FSTL4: variants seen among roughly 807,000 people sequenced by gnomAD.
FSTL4 encodes follistatin-related protein 4.
Under a neutral mutation model 78.2 loss-of-function variants are expected in FSTL4, and 28 were observed. That is an observed-to-expected ratio of 0.36 (90% CI 0.27 to 0.49). The LOEUF is 0.49. Among genes scored for constraint, FSTL4 ranks in the 20% least tolerant of loss-of-function variants. The pLI, the probability that FSTL4 is intolerant of heterozygous loss-of-function variation, is 0.98. For synonymous variants in FSTL4, 422 were observed against 440.5 expected, an observed-to-expected ratio of 0.96 and a Z score of 0.53; for missense variants, 922 against 1,084.9, an observed-to-expected ratio of 0.85 and a Z score of 2.11.
the FSTL4 span, among the ~76,000 whole-genome samples, chr5:133,646,443 T>G: frequency 3.3e-3 from 506 of 152,220 alleles, 6 homozygotes; most frequent in African/African-American, 0.012. Flanking sequence ...GATTTTATTC[T>G]GTGATGAGAA....
At chr5:133,231,795 C>T (rs1454558219) in intron 8 of FSTL4, among the ~76,000 whole-genome samples, 3 of 152,230 alleles carry the variant, frequency 2.0e-5, no homozygotes, top group African/African-American at 7.2e-5. Context: ...CAGCCTCAAC[C>T]TCCCAAAGTG....
chr5:133,552,463 G>C (rs796703724), intron 3 of FSTL4, among the ~76,000 whole-genome samples: 3 of 152,240 alleles, frequency 2.0e-5, no homozygotes, highest in African/African-American at 4.8e-5. Context: ...AGGTCATGTG[G>C]GCCCAGGGTT....
At chr5:133,778,311 T>C in the FSTL4 span, among the ~76,000 whole-genome samples, 1 of 152,042 alleles carries the variant, frequency 6.6e-6, no homozygotes, top group Non-Finnish European at 1.5e-5. Flanking sequence ...ATCATTCTTT[T>C]TGCCTCACGC....
chr5:133,331,027 C>G (rs554941455), intron 4 of FSTL4, among the ~76,000 whole-genome samples: 26 of 152,304 alleles, frequency 1.7e-4, no homozygotes, highest in African/African-American at 6.3e-4. Flanking sequence ...GCCTGGGGGC[C>G]ATGGAGGCTC....
chr5:133,688,604 A>G, the FSTL4 span, among the ~76,000 whole-genome samples: 1 of 152,260 alleles, frequency 6.6e-6, no homozygotes, highest in African/African-American at 2.4e-5. Context: ...AGTCATTCTG[A>G]GGACAGAACA....
At chr5:133,294,391 T>C (rs1344367891) in intron 6 of FSTL4, among the ~76,000 whole-genome samples, 1 of 152,188 alleles carries the variant, frequency 6.6e-6, no homozygotes, top group East Asian at 1.9e-4. Flanking sequence ...AAAATGGGCA[T>C]AAAAAGAGAC....
At chr5:133,770,597 C>A in the FSTL4 span, among the ~76,000 whole-genome samples, 1 of 151,992 alleles carries the variant, frequency 6.6e-6, no homozygotes, top group Admixed American at 6.6e-5. Flanking sequence ...TGTTTGAGTG[C>A]CTTACAGATC....
intron 4 of FSTL4, among the ~76,000 whole-genome samples, chr5:133,360,128 C>A (rs1002136777): frequency 6.6e-6 from 1 of 152,264 alleles, no homozygotes; most frequent in Non-Finnish European, 1.5e-5. Context: ...TGGGAACACA[C>A]CCTGTCCCTC....
chr5:133,610,502 G>T (rs1258588188), intron 1 of FSTL4, among the ~76,000 whole-genome samples: 1 of 152,224 alleles, frequency 6.6e-6, no homozygotes, highest in Non-Finnish European at 1.5e-5. Flanking sequence ...GGCAGAAATG[G>T]TCTAGTGATG....
At chr5:133,816,035 C>A in the FSTL4 span, among the ~76,000 whole-genome samples, 3 of 152,190 alleles carry the variant, frequency 2.0e-5, no homozygotes, top group African/African-American at 7.2e-5. Context: ...TAGAGTTAAG[C>A]GGGCTCTGGA....
At chr5:133,475,474 T>C (rs924744067) in intron 3 of FSTL4, among the ~76,000 whole-genome samples, 1 of 152,240 alleles carries the variant, frequency 6.6e-6, no homozygotes, top group East Asian at 1.9e-4. Context: ...AAAGCTATTT[T>C]ATCTCTGGAG....
chr5:133,235,504 A>G (rs1331683142), intron 7 of FSTL4, among the ~76,000 whole-genome samples: 1 of 150,684 alleles, frequency 6.6e-6, no homozygotes, highest in African/African-American at 2.5e-5. Flanking sequence ...ACCTCCAAAA[A>G]AAAAAAAAAA....
chr5:133,486,781 A>G (rs1367011377), intron 3 of FSTL4, among the ~76,000 whole-genome samples: 2 of 152,176 alleles, frequency 1.3e-5, no homozygotes, highest in Non-Finnish European at 2.9e-5. Context: ...TGGGCGGAGC[A>G]GAAGGAACTT....
chr5:133,538,731 C>A (rs1484848631), intron 3 of FSTL4, among the ~76,000 whole-genome samples: 1 of 152,090 alleles, frequency 6.6e-6, no homozygotes, highest in Non-Finnish European at 1.5e-5. Context: ...GTTGTGTAAC[C>A]ATTCAAAAGC....
chr5:133,713,815 C>A, the FSTL4 span, among the ~76,000 whole-genome samples: 1 of 152,164 alleles, frequency 6.6e-6, no homozygotes, highest in African/African-American at 2.4e-5. Flanking sequence ...TTTCTTCCAA[C>A]GTTGAAACTA....
At chr5:133,747,341 C>T in the FSTL4 span, among the ~76,000 whole-genome samples, 1 of 152,328 alleles carries the variant, frequency 6.6e-6, no homozygotes, top group Non-Finnish European at 1.5e-5. Flanking sequence ...TAAAGTACTA[C>T]CCCAGCGAAC....
chr5:133,261,486 G>T (rs1056829730), intron 6 of FSTL4, among the ~76,000 whole-genome samples: 7 of 152,142 alleles, frequency 4.6e-5, no homozygotes, highest in Non-Finnish European at 8.8e-5. Context: ...ATAAAAGGTT[G>T]GACACGCCTT....
the FSTL4 span, among the ~76,000 whole-genome samples, chr5:133,687,329 G>A: frequency 1.3e-5 from 2 of 152,220 alleles, no homozygotes; most frequent in Non-Finnish European, 2.9e-5. Context: ...CCAGGTTGGA[G>A]CCTTATGTCT....
chr5:133,711,468 G>A, the FSTL4 span, among the ~76,000 whole-genome samples: 2 of 152,296 alleles, frequency 1.3e-5, no homozygotes, highest in African/African-American at 4.8e-5. Context: ...GGGTGTGAGG[G>A]GCCCCACCAA....
Sources: gnomAD v4.1 joint callset for allele counts (sites outside exome capture counted in the v4.1 genomes callset) on GRCh38, gnomAD v4.1.1 for gene constraint, MANE v1.5 for transcripts, NCBI Gene and HGNC (gene_info 2026-07-23, HGNC 2026-07-21) for gene names.